MED12L: variants seen among roughly 807,000 people sequenced by gnomAD.
MED12L encodes the protein mediator complex subunit 12L, also known as mediator of RNA polymerase II transcription subunit 12-like protein.
MED12L carries 60 observed loss-of-function variants against 281.3 expected under a neutral mutation model. That is an observed-to-expected ratio of 0.21 (90% CI 0.17 to 0.26). The LOEUF is 0.26. Ranked by LOEUF, MED12L falls within the 10% of genes least tolerant of loss-of-function variation. The pLI, the probability that MED12L is intolerant of heterozygous loss-of-function variation, is 1.00. For missense variants in MED12L, 2,146 were observed against 2,680.9 expected, an observed-to-expected ratio of 0.80 and a Z score of 4.41; for synonymous variants, 974 against 987.2, an observed-to-expected ratio of 0.99 and a Z score of 0.25.
chr3:151,102,425 G>A (rs1721500191), intron 2 of MED12L, among the ~76,000 whole-genome samples: 1 of 152,092 alleles, frequency 6.6e-6, no homozygotes, highest in African/African-American at 2.4e-5. Flanking sequence ...TATACGTTTA[G>A]CCCGTTTCTG....
At chr3:151,411,977 G>A (rs1258243824) in intron 41 of MED12L, among the ~76,000 whole-genome samples, 1 of 152,182 alleles carries the variant, frequency 6.6e-6, no homozygotes, top group Middle Eastern at 3.2e-3. Flanking sequence ...CCACCTCAAA[G>A]ATATTTGGCA....
chr3:151,349,352 G>A (rs1171688483), intron 16 of MED12L, among the ~76,000 whole-genome samples: 2 of 152,110 alleles, frequency 1.3e-5, no homozygotes, highest in African/African-American at 4.8e-5. Flanking sequence ...TGCATTTTCA[G>A]CTGTTTGCCT....
At chr3:151,295,413 C>T (rs1449062020) in intron 16 of MED12L, 1 of 546,606 alleles carries the variant, frequency 1.8e-6, no homozygotes, top group African/African-American at 1.9e-5. Context: ...CTGCCTCCCT[C>T]ATATCAGGAC....
At chr3:151,164,939 G>A (rs78027148) in intron 9 of MED12L, among the ~76,000 whole-genome samples, 33,020 of 151,498 alleles carry the variant, frequency 0.22, 3,877 homozygotes, top group African/African-American at 0.32. Flanking sequence ...CCAACATGGC[G>A]CATGTATACA....
At chr3:151,292,476 G>A (rs1245001345) in intron 16 of MED12L, among the ~76,000 whole-genome samples, 13 of 151,454 alleles carry the variant, frequency 8.6e-5, no homozygotes, top group African/African-American at 2.9e-4. Context: ...TAGTAGAGAC[G>A]GGGGGTTTCA....
At chr3:151,378,412 A>C (rs1352930195) in intron 31 of MED12L, among the ~76,000 whole-genome samples, 1 of 152,220 alleles carries the variant, frequency 6.6e-6, no homozygotes, top group Admixed American at 6.5e-5. Flanking sequence ...ACTGTTAAAA[A>C]CAGTGATTTC....
At chr3:151,115,018 T>G (rs1712504984) in intron 2 of MED12L, among the ~76,000 whole-genome samples, 1 of 152,198 alleles carries the variant, frequency 6.6e-6, no homozygotes, top group Admixed American at 6.5e-5. Flanking sequence ...TGAGGCACAC[T>G]TTTCTCATCT....
At chr3:151,208,390 A>G (rs1726655335) in intron 16 of MED12L, among the ~76,000 whole-genome samples, 1 of 152,224 alleles carries the variant, frequency 6.6e-6, no homozygotes, top group Admixed American at 6.5e-5. Flanking sequence ...CTTTTAGCTT[A>G]GAAAATAGAA....
At chr3:151,183,874 T>TA (rs1722974899) in intron 11 of MED12L, among the ~76,000 whole-genome samples, 1 of 152,252 alleles carries the variant, frequency 6.6e-6, no homozygotes, top group Non-Finnish European at 1.5e-5. Context: ...CTTAGATTAA[T>TA]AAAAACTGAA....
intron 16 of MED12L, among the ~76,000 whole-genome samples, chr3:151,230,678 C>T (rs1454241077): frequency 6.6e-6 from 1 of 151,746 alleles, no homozygotes; most frequent in Non-Finnish European, 1.5e-5. Context: ...CTAAGGGCTA[C>T]TTCCCTTCAA....
At chr3:151,323,828 A>C (rs149066305) in intron 16 of MED12L, among the ~76,000 whole-genome samples, 1 of 152,228 alleles carries the variant, frequency 6.6e-6, no homozygotes, top group African/African-American at 2.4e-5. Flanking sequence ...TGAATCCACT[A>C]TTGGGGAGTT....
intron 16 of MED12L, among the ~76,000 whole-genome samples, chr3:151,229,075 T>G (rs546173626): frequency 1.3e-5 from 2 of 152,162 alleles, no homozygotes; most frequent in African/African-American, 4.8e-5. Context: ...TAGCTGAATA[T>G]CAACCACTTG....
Position 151,206,622 on chromosome 3 carries a change from A to AC in MED12L, c.2250+12957dup, listed in dbSNP as rs1446752515. ...TTTGTTTATGGTCCATTTCTTATGA[A>AC]CTTATGACTAACACATTATCTTTTT... On this transcript the variant is annotated intron_variant, in intron 16 of 44. Transcript: ENST00000687756. 7.6e-5 allele frequency among the ~76,000 whole-genome samples: 11 copies of AC among 143,808 alleles called. No individual in the cohort carries two copies. In the East Asian group the frequency reaches 2.0e-3, roughly 26 times the overall value. 94.3% of individuals were successfully genotyped at this position (143,808 alleles called of 152,430 possible). A position where few individuals can be genotyped will look rare whatever the true frequency, so the allele number is the denominator to read the frequency against.
At chr3:151,412,397 G>A (rs1717030992) in intron 41 of MED12L, among the ~76,000 whole-genome samples, 1 of 152,222 alleles carries the variant, frequency 6.6e-6, no homozygotes, top group African/African-American at 2.4e-5. Context: ...ACAGCGCAGA[G>A]AGAAAACATT....
At chr3:151,352,225 A>G (rs1319254261) in intron 17 of MED12L, among the ~76,000 whole-genome samples, 4 of 152,216 alleles carry the variant, frequency 2.6e-5, no homozygotes, top group Non-Finnish European at 5.9e-5. Flanking sequence ...TGTGAGATCA[A>G]GTGTGGAATT....
chr3:151,341,322 A>G (rs1471833475), intron 16 of MED12L, among the ~76,000 whole-genome samples: 1 of 152,146 alleles, frequency 6.6e-6, no homozygotes, highest in Non-Finnish European at 1.5e-5. Context: ...ATTACATTAG[A>G]GAAGTGATTG....
intron 44 of MED12L, among the ~76,000 whole-genome samples, chr3:151,430,627 A>G (rs1249117503): frequency 6.7e-6 from 1 of 150,024 alleles, no homozygotes; most frequent in Non-Finnish European, 1.5e-5. Flanking sequence ...TTCCACCAGA[A>G]TCTAGAAATA....
intron 25 of MED12L, among the ~76,000 whole-genome samples, chr3:151,368,688 T>TCA (rs1755727880): frequency 1.9e-4 from 9 of 46,754 alleles, no homozygotes; most frequent in Non-Finnish European, 3.5e-4. Context: ...TCATTTCATT[T>TCA]TATTTCATTT....
Position 151,416,412 on chromosome 3 carries a change from A to G in MED12L, c.6398A>G (p.Gln2133Arg). ...CTTGGTCTCCAAGCAATGCAGCCCC[A>G]GCAGCCCTTGGTAAGGCCTGTTGTT... ...QTLGLQAMQP[Q>R]QPLFPRQGLQ... Residue 2133 changes from glutamine to arginine, a missense_variant, in exon 43 of 45, where the codon CAG becomes CGG. Transcript: ENST00000687756. 6.4e-7 allele frequency: 1 copy of G among 1,567,320 alleles called. No homozygotes were observed. The highest frequency in any genetic ancestry group is 8.7e-7 in the Non-Finnish European group (1 of 1,151,950).
Sources: allele counts gnomAD v4.1 joint callset (sites outside exome capture counted in the v4.1 genomes callset), GRCh38; gene constraint gnomAD v4.1.1; transcripts MANE v1.5; gene names NCBI Gene and HGNC (gene_info 2026-07-23, HGNC 2026-07-21).